ATP6V0E1: variants seen among roughly 807,000 people sequenced by gnomAD.
The protein encoded by ATP6V0E1 is V-type proton ATPase subunit e 1.
Under a neutral mutation model 11.6 loss-of-function variants are expected in ATP6V0E1, and 4 were observed. The ratio of observed to expected loss-of-function variants is 0.35; its 90% CI spans 0.17 to 0.79. ATP6V0E1 has a LOEUF of 0.79. Ranked by LOEUF, ATP6V0E1 falls within the 30% of genes least tolerant of loss-of-function variation. The probability of loss-of-function intolerance (pLI) is 0.54; values close to 1 mark genes in which losing one functional copy is unlikely to be tolerated. For synonymous variants in ATP6V0E1, 36 were observed against 34.8 expected (o/e 1.04, Z -0.13); for missense variants, 105 against 100.0 (o/e 1.05, Z -0.21).
intron 2 of ATP6V0E1, among the ~76,000 whole-genome samples, chr5:172,997,207 C>A (rs981555349): frequency 3.3e-5 from 5 of 152,126 alleles, no homozygotes; most frequent in African/African-American, 1.2e-4. Flanking sequence ...ACAAATTCTC[C>A]ACACCAGAAG....
intron 1 of ATP6V0E1, chr5:172,986,700 C>T (rs1328201585): frequency 1.5e-5 from 7 of 452,390 alleles, no homozygotes; most frequent in African/African-American, 1.2e-4. Context: ...TCACAGATGG[C>T]AGGAAGAAGC....
intron 3 of ATP6V0E1, among the ~76,000 whole-genome samples, chr5:173,023,943 A>T (rs566360899): frequency 6.6e-6 from 1 of 152,232 alleles, no homozygotes; most frequent in African/African-American, 2.4e-5. Flanking sequence ...CACCCCTCTA[A>T]TCCCAGCACT....
chr5:173,033,693 A>C (rs955330290), intron 3 of ATP6V0E1, among the ~76,000 whole-genome samples: 2 of 151,886 alleles, frequency 1.3e-5, no homozygotes, highest in African/African-American at 2.4e-5. Context: ...AAAATATAAA[A>C]ATTAGCCGAA....
At chr5:173,031,755 C>T (rs1756658744) in intron 3 of ATP6V0E1, among the ~76,000 whole-genome samples, 1 of 147,498 alleles carries the variant, frequency 6.8e-6, no homozygotes. Context: ...GGAGGCAGGG[C>T]TTGCAGTGAG....
rs192782440 is a variant in ATP6V0E1, at chr5:172,985,057, T to C, written c.104+1093T>C. Among the ~76,000 whole-genome samples, 545 of 152,240 alleles carry C rather than the reference T, an allele frequency of 3.6e-3. 9 individuals carry two copies. The highest frequency in any genetic ancestry group is 0.024 in the East Asian group (123 of 5,172). ...GTCAGGAGATCGAGACCATCCTGGC[T>C]AACACGGTGAAACCCGTCTCTACTA... On this transcript the variant is annotated intron_variant, in intron 1 of 3. Coordinates refer to ENST00000519374, the MANE Select transcript of ATP6V0E1 (RefSeq NM_003945.4).
rs189654022 is a variant in ATP6V0E1, at chr5:173,034,628, T to C, written c.*266T>C. ...AAAACGATTATGTACTCTTCTGAGA[T>C]AGAAGATGCTGTTCTTCTGAGAGAT... On this transcript the variant is annotated 3_prime_UTR_variant, in exon 4 of 4. Coordinates refer to ENST00000519374, the MANE Select transcript of ATP6V0E1 (RefSeq NM_003945.4). 138 of 568,850 alleles carry C rather than the reference T, an allele frequency of 2.4e-4. No homozygotes were observed. Among genetic ancestry groups the C allele is most frequent in the Admixed American group, 9.2e-4 (31 of 33,678 alleles). The allele number at this position is 568,850 out of a possible 1,614,324, so 35.2% of individuals were successfully genotyped here. A position where few individuals can be genotyped will look rare whatever the true frequency, so the allele number is the denominator to read the frequency against.
intron 1 of ATP6V0E1, chr5:172,987,035 C>A: frequency 5.4e-6 from 1 of 186,458 alleles, no homozygotes; most frequent in South Asian, 7.5e-5. Context: ...ATCCGCCCAT[C>A]TCAGCCTCCC....
At chr5:172,992,796 GTTTATTTA>G (rs1416500091) in intron 1 of ATP6V0E1, among the ~76,000 whole-genome samples, 1 of 151,610 alleles carries the variant, frequency 6.6e-6, no homozygotes, top group Non-Finnish European at 1.5e-5. Context: ...GGTTTTTTTT[GTTTATTTA>G]TTTATTTTTT....
intron 1 of ATP6V0E1, chr5:172,986,828 G>A (rs1205336571): frequency 9.8e-6 from 4 of 408,222 alleles, no homozygotes; most frequent in South Asian, 3.6e-5. Context: ...TCACTCTGTC[G>A]CCAGGCTGGA....
intron 1 of ATP6V0E1, among the ~76,000 whole-genome samples, chr5:172,989,304 A>C (rs1159386848): frequency 6.6e-6 from 1 of 152,144 alleles, no homozygotes; most frequent in Non-Finnish European, 1.5e-5. Context: ...ATGCCACTGC[A>C]TTCTAGCCTA....
rs896143016 is a variant in ATP6V0E1 at position 172,993,317 on chromosome 5, T to A, written c.105-1458T>A. On this transcript the variant is annotated intron_variant, in intron 1 of 3. Coordinates refer to ENST00000519374, the MANE Select transcript of ATP6V0E1 (RefSeq NM_003945.4). ...TGAGGCCAGGAGTTTGAGAACAGCC[T>A]GGACAACATGGCAAAACCCCATCTC... Among the ~76,000 whole-genome samples, 3 of 152,116 alleles carry A rather than the reference T, an allele frequency of 2.0e-5. No homozygotes were observed. In the South Asian group the frequency reaches 6.2e-4, roughly 32 times the overall value.
Position 173,034,431 on chromosome 5 carries a change from A to G in ATP6V0E1, c.*69A>G, listed in dbSNP as rs1756709307. The G allele has an allele frequency of 1.4e-6, 1 of 702,992 alleles. No individual in the cohort carries two copies. The highest frequency in any genetic ancestry group is 2.0e-5 in the Admixed American group (1 of 50,012). The allele number at this position is 702,992 out of a possible 1,614,324, so 43.5% of individuals were successfully genotyped here. A position where few individuals can be genotyped will look rare whatever the true frequency, so the allele number is the denominator to read the frequency against. On this transcript the variant is annotated 3_prime_UTR_variant, in exon 4 of 4. Coordinates refer to ENST00000519374, the MANE Select transcript of ATP6V0E1 (RefSeq NM_003945.4). ...GAAGAGAATGCCTTCTAGATGCAAA[A>G]TCACCTCCAAACCAGACCACTTTTC...
At chr5:172,994,926 T>C (rs1360561035) in intron 2 of ATP6V0E1, 104 bp downstream of exon 2, 1 of 884,110 alleles carries the variant, frequency 1.1e-6, no homozygotes, top group Non-Finnish European at 1.7e-6. Flanking sequence ...CTAGAAATAG[T>C]GTCCTAAAAT....
intron 2 of ATP6V0E1, among the ~76,000 whole-genome samples, chr5:173,013,272 CAATAG>C (rs1033476100): frequency 7.0e-6 from 1 of 142,496 alleles, no homozygotes; most frequent in Non-Finnish European, 1.6e-5. Flanking sequence ...GCAAAAGAAA[CAATAG>C]AATAAAGAGA....
intron 1 of ATP6V0E1, chr5:172,987,077 C>A: frequency 1.0e-5 from 2 of 191,880 alleles, no homozygotes; most frequent in South Asian, 1.5e-4. Flanking sequence ...TGAGCCACCA[C>A]GCCCGGCTGG....
At chr5:173,007,440 C>A (rs1176048026) in intron 2 of ATP6V0E1, among the ~76,000 whole-genome samples, 2 of 152,196 alleles carry the variant, frequency 1.3e-5, no homozygotes, top group Non-Finnish European at 2.9e-5. Context: ...GGCCATATGG[C>A]CCCTCCATTT....
chr5:172,985,591 T>G (rs1755884856), intron 1 of ATP6V0E1, among the ~76,000 whole-genome samples: 1 of 152,230 alleles, frequency 6.6e-6, no homozygotes, highest in South Asian at 2.1e-4. Context: ...TATCTTCAAC[T>G]GTTTCATTAC....
At chr5:173,011,689 G>A (rs1019031225) in intron 2 of ATP6V0E1, among the ~76,000 whole-genome samples, 16 of 152,208 alleles carry the variant, frequency 1.1e-4, no homozygotes, top group African/African-American at 3.4e-4. Flanking sequence ...AGACATTATT[G>A]CACCATAGCT....
chr5:172,985,646 T>C (rs1489763371), intron 1 of ATP6V0E1, among the ~76,000 whole-genome samples: 2 of 152,252 alleles, frequency 1.3e-5, no homozygotes, highest in African/African-American at 4.8e-5. Flanking sequence ...GAAGCATTTA[T>C]TAATGTACTA....
Sources: allele counts gnomAD v4.1 joint callset (sites outside exome capture counted in the v4.1 genomes callset), GRCh38; gene constraint gnomAD v4.1.1; transcripts MANE v1.5; gene names NCBI Gene and HGNC (gene_info 2026-07-23, HGNC 2026-07-21).